TOR1AIP1: variants seen among roughly 807,000 people sequenced by gnomAD.
TOR1AIP1 encodes torsin 1A interacting protein 1, also known as torsin-1A-interacting protein 1.
In TOR1AIP1, 54 loss-of-function variants were observed where a neutral mutation model predicts 63.3. The observed-to-expected ratio is 0.85, with a 90% CI of 0.69 to 1.07. TOR1AIP1 has a LOEUF of 1.07. Ranked by LOEUF, TOR1AIP1 falls within the 50% of genes least tolerant of loss-of-function variation. The pLI, the probability that TOR1AIP1 is intolerant of heterozygous loss-of-function variation, is 0.00. For missense variants in TOR1AIP1, 736 were observed against 715.0 expected, an observed-to-expected ratio of 1.03 and a Z score of -0.33; for synonymous variants, 294 against 273.5, an observed-to-expected ratio of 1.07 and a Z score of -0.74.
At chr1:179,886,560 G>GT (rs922391297) in intron 2 of TOR1AIP1, among the ~76,000 whole-genome samples, 31 of 149,768 alleles carry the variant, frequency 2.1e-4, no homozygotes, top group South Asian at 1.1e-3. Flanking sequence ...TGCAAGTGAG[G>GT]TTTTTTTTTT....
intron 9 of TOR1AIP1, among the ~76,000 whole-genome samples, chr1:179,915,456 CTT>C (rs1190541574): frequency 2.6e-5 from 4 of 152,192 alleles, no homozygotes; most frequent in Non-Finnish European, 5.9e-5. Flanking sequence ...AATCTCAAGA[CTT>C]TAAAAAAGTG....
At chr1:179,905,529 G>C (rs1648604430) in intron 6 of TOR1AIP1, among the ~76,000 whole-genome samples, 1 of 152,110 alleles carries the variant, frequency 6.6e-6, no homozygotes, top group African/African-American at 2.4e-5. Flanking sequence ...TAGCTGCTGG[G>C]AAAAAATCAG....
intron 3 of TOR1AIP1, among the ~76,000 whole-genome samples, chr1:179,898,211 T>C (rs918862215): frequency 4.6e-5 from 7 of 152,154 alleles, no homozygotes; most frequent in African/African-American, 1.7e-4. Flanking sequence ...TCTTCTGGCT[T>C]TTTTTATTAT....
chr1:179,916,462 T>C (rs1414596219), intron 9 of TOR1AIP1, among the ~76,000 whole-genome samples: 1 of 152,198 alleles, frequency 6.6e-6, no homozygotes, highest in Non-Finnish European at 1.5e-5. Flanking sequence ...AAAAGTATTA[T>C]TGTTACTATC....
chr1:179,907,452 T>G (rs1648675410), intron 6 of TOR1AIP1, among the ~76,000 whole-genome samples: 1 of 150,010 alleles, frequency 6.7e-6, no homozygotes, highest in South Asian at 2.1e-4. Flanking sequence ...AAAAAAGAAT[T>G]AAACAAAATT....
chr1:179,883,537 C>G (rs1379370950), intron 1 of TOR1AIP1: 1 of 440,612 alleles, frequency 2.3e-6, no homozygotes, highest in Non-Finnish European at 4.6e-6. Context: ...ATACTTTCAC[C>G]GAAATGGGGT....
At chr1:179,902,567 T>C (rs1293944476) in intron 5 of TOR1AIP1, among the ~76,000 whole-genome samples, 1 of 152,128 alleles carries the variant, frequency 6.6e-6, no homozygotes, top group Non-Finnish European at 1.5e-5. Flanking sequence ...ACGCTGGTTG[T>C]TGGGCATTTG....
chr1:179,893,488 TGGA>T (rs1246345431), intron 3 of TOR1AIP1, among the ~76,000 whole-genome samples: 1 of 152,110 alleles, frequency 6.6e-6, no homozygotes, highest in Non-Finnish European at 1.5e-5. Flanking sequence ...TCACCCACGC[TGGA>T]CTGTAGTGGT....
intron 3 of TOR1AIP1, among the ~76,000 whole-genome samples, chr1:179,895,324 T>C (rs918213690): frequency 6.6e-6 from 1 of 152,228 alleles, no homozygotes; most frequent in South Asian, 2.1e-4. Context: ...AAAAAGTATT[T>C]TTTTAAGGCC....
chr1:179,911,922 G>A (rs1321891895), intron 8 of TOR1AIP1, among the ~76,000 whole-genome samples: 1 of 150,700 alleles, frequency 6.6e-6, no homozygotes. Context: ...GTTGTAGAGT[G>A]ATTGATTATC....
At chr1:179,912,464 T>C (rs766986686) in intron 8 of TOR1AIP1, among the ~76,000 whole-genome samples, 1 of 152,230 alleles carries the variant, frequency 6.6e-6, no homozygotes, top group Non-Finnish European at 1.5e-5. Flanking sequence ...GTTATATGAA[T>C]TATATAAATA....
chr1:179,917,756 G>C lies in TOR1AIP1; in HGVS notation c.1269G>C (p.Arg423Ser), dbSNP rs1649065029. 1 of 1,614,106 alleles carries C rather than the reference G, an allele frequency of 6.2e-7. No homozygotes were observed. Among genetic ancestry groups the C allele is most frequent in the African/African-American group, 1.3e-5 (1 of 74,938 alleles). Residue 423 changes from arginine to serine, a missense_variant, in exon 10 of 10, where the codon AGG becomes AGC. This residue lies in a region of TOR1AIP1 where 272 missense variants were observed against 344.1 expected (regional missense o/e 0.79). Transcript: ENST00000606911. The part of the protein sequence containing the change: ...TAARDAEEAL[R>S]CLSEQIADAY... ...CCCGAGATGCTGAAGAAGCACTTAG[G>C]TGTCTGAGTGAACAAATTGCTGATG... is the stretch of plus-strand genomic sequence containing the variant.
intron 3 of TOR1AIP1, among the ~76,000 whole-genome samples, chr1:179,894,853 A>G (rs145791587): frequency 1.3e-5 from 2 of 152,304 alleles, no homozygotes; most frequent in African/African-American, 2.4e-5. Context: ...CACACCAAGT[A>G]CCTCCCACAA....
chr1:179,891,725 C>T (rs759402567), intron 3 of TOR1AIP1, among the ~76,000 whole-genome samples: 15 of 151,646 alleles, frequency 9.9e-5, no homozygotes, highest in African/African-American at 1.2e-4. Flanking sequence ...ACCATGACAC[C>T]CAGCTAATTT....
intron 2 of TOR1AIP1, among the ~76,000 whole-genome samples, chr1:179,886,826 A>AT (rs1647922709): frequency 1.3e-5 from 2 of 152,200 alleles, no homozygotes; most frequent in Non-Finnish European, 2.9e-5. Context: ...AGGTGCTTTT[A>AT]TACTACATCT....
chr1:179,910,050 C>T (rs600553), intron 8 of TOR1AIP1, among the ~76,000 whole-genome samples: 92,114 of 152,062 alleles, frequency 0.61, 28,341 homozygotes, highest in East Asian at 0.76. Context: ...AGGCATGAGC[C>T]ACCACACCCA....
Position 179,917,801 on chromosome 1 carries a change from T to G in TOR1AIP1, c.1314T>G (p.Ser438Arg), listed in dbSNP as rs759631433. 6.2e-7 allele frequency: 1 copy of G among 1,614,202 alleles called. No individual in the cohort carries two copies. Among genetic ancestry groups the G allele is most frequent in the Non-Finnish European group, 8.5e-7 (1 of 1,180,038 alleles). ...QIADAYSSFRSVRAIRIDGTD... is the reference protein window; with the variant it reads ...QIADAYSSFRRVRAIRIDGTD... ...CTGATGCCTATTCTTCTTTTCGTAG[T>G]GTCCGTGCCATCCGGATTGATGGGA... Residue 438 changes from serine to arginine, a missense_variant, in exon 10 of 10, where the codon AGT becomes AGG. This residue lies in a region of TOR1AIP1 where 272 missense variants were observed against 344.1 expected (regional missense o/e 0.79). Transcript: ENST00000606911.
chr1:179,918,293 T>C lies in TOR1AIP1; in HGVS notation c.*54T>C, dbSNP rs1649089539. On this transcript the variant is annotated 3_prime_UTR_variant, in exon 10 of 10. Transcript: ENST00000606911. ...CAAGTTCTGAGAATTGTTCACACTT[T>C]CTAACCAGAGACAGAATTCAGAGCT... is the stretch of plus-strand genomic sequence containing the variant. 4 of 1,498,296 alleles carry C rather than the reference T, an allele frequency of 2.7e-6. No homozygotes were observed. Among genetic ancestry groups the C allele is most frequent in the Non-Finnish European group, 8.9e-7 (1 of 1,126,356 alleles). 92.8% of individuals were successfully genotyped at this position (1,498,296 alleles called of 1,614,324 possible).
At chr1:179,899,332 CTTGT>C (rs1379819094) in intron 3 of TOR1AIP1, among the ~76,000 whole-genome samples, 1 of 150,618 alleles carries the variant, frequency 6.6e-6, no homozygotes, top group Non-Finnish European at 1.5e-5. Context: ...ATGTGTTTTG[CTTGT>C]TTATTTTTGT....
Sources: allele counts gnomAD v4.1 joint callset (sites outside exome capture counted in the v4.1 genomes callset), GRCh38; gene constraint gnomAD v4.1.1; regional missense constraint gnomAD v4.1.1; transcripts MANE v1.5; gene names NCBI Gene and HGNC (gene_info 2026-07-23, HGNC 2026-07-21).